Variants in PDGFRL observed in about 807,000 individuals in gnomAD.
The protein encoded by PDGFRL is platelet derived growth factor receptor like.
PDGFRL carries 46 observed loss-of-function variants against 37.2 expected under a neutral mutation model. That is an observed-to-expected ratio of 1.24 (90% confidence interval 0.98 to 1.58). The LOEUF (loss-of-function observed/expected upper bound fraction) is 1.58. Among genes scored for constraint, PDGFRL ranks in the 40% most tolerant of loss-of-function variants. The probability of loss-of-function intolerance (pLI) is 0.00; values close to 1 mark genes in which losing one functional copy is unlikely to be tolerated. For missense variants in PDGFRL, 692 were observed against 467.6 expected (o/e 1.48, Z -4.43); for synonymous variants, 251 against 184.3 (o/e 1.36, Z -2.93).
intron 2 of PDGFRL, among the ~76,000 whole-genome samples, chr8:17,595,212 C>A (rs1420650928): frequency 6.6e-6 from 1 of 152,192 alleles, no homozygotes. Context: ...CCGCCCTCCA[C>A]TCACCTGCTC....
At chr8:17,625,840 A>T (rs1804722851) in intron 3 of PDGFRL, among the ~76,000 whole-genome samples, 1 of 151,850 alleles carries the variant, frequency 6.6e-6, no homozygotes, top group Admixed American at 6.6e-5. Context: ...ACTAAAAAAT[A>T]AAAAATTAGA....
chr8:17,608,812 A>C (rs932316033), intron 2 of PDGFRL, among the ~76,000 whole-genome samples: 1 of 152,172 alleles, frequency 6.6e-6, no homozygotes, highest in Non-Finnish European at 1.5e-5. Context: ...GATAGGAAGG[A>C]GAGAAGGCAG....
At chr8:17,577,405 T>G in intron 1 of PDGFRL, 98 bp downstream of exon 1, 1 of 1,052,840 alleles carries the variant, frequency 9.5e-7, no homozygotes, top group Non-Finnish European at 1.4e-6. Flanking sequence ...GGTCTAACGT[T>G]CGGCCCTCGG....
At chr8:17,616,556 C>T (rs991119610) in intron 2 of PDGFRL, among the ~76,000 whole-genome samples, 4 of 152,172 alleles carry the variant, frequency 2.6e-5, no homozygotes, top group South Asian at 2.1e-4. Context: ...AGAATAACAT[C>T]GCTTTGTTCT....
chr8:17,584,409 C>G (rs1410448768), intron 1 of PDGFRL, among the ~76,000 whole-genome samples: 2 of 151,934 alleles, frequency 1.3e-5, no homozygotes, highest in Non-Finnish European at 2.9e-5. Context: ...GGGGTCAGGA[C>G]AGGAGCTAGG....
chr8:17,587,680 T>A (rs965006300), intron 1 of PDGFRL, among the ~76,000 whole-genome samples: 1 of 152,094 alleles, frequency 6.6e-6, no homozygotes, highest in African/African-American at 2.4e-5. Context: ...GGCATTGGAG[T>A]GCAGTGGTGT....
At chr8:17,610,705 G>A (rs1444321000) in intron 2 of PDGFRL, among the ~76,000 whole-genome samples, 1 of 152,182 alleles carries the variant, frequency 6.6e-6, no homozygotes, top group Non-Finnish European at 1.5e-5. Context: ...GAGCTCGGGA[G>A]CTAAAGAGCA....
At chr8:17,580,198 C>G (rs188678462) in intron 1 of PDGFRL, among the ~76,000 whole-genome samples, 13 of 152,140 alleles carry the variant, frequency 8.5e-5, no homozygotes, top group Admixed American at 7.9e-4. Flanking sequence ...TCTTGGAGGA[C>G]TACAGACATT....
At chr8:17,629,116 G>A (rs962120728) in intron 4 of PDGFRL, among the ~76,000 whole-genome samples, 5 of 135,466 alleles carry the variant, frequency 3.7e-5, no homozygotes, top group Admixed American at 8.1e-5. Context: ...GTCTCATAGA[G>A]AAGAGGTCTC....
chr8:17,636,545 G>A (rs1211433582), intron 5 of PDGFRL, among the ~76,000 whole-genome samples: 1 of 120,444 alleles, frequency 8.3e-6, no homozygotes, highest in Non-Finnish European at 1.7e-5. Context: ...CAGGTAATGG[G>A]ATGCCTCTAG....
intron 4 of PDGFRL, among the ~76,000 whole-genome samples, chr8:17,633,098 C>A (rs1373968062): frequency 6.6e-6 from 1 of 152,174 alleles, no homozygotes; most frequent in Non-Finnish European, 1.5e-5. Context: ...CCATCACCCT[C>A]CCTGCTCTAG....
rs185957950 is a variant in PDGFRL, at chr8:17,609,458, G to C, written c.354-11593G>C. 2.2e-3 allele frequency among the ~76,000 whole-genome samples: 340 copies of C among 151,502 alleles called. 6 individuals carry two copies. The South Asian group carries it at 0.038, about 17-fold the overall frequency. ...CCACTGCACTCCGACCTGGGCGACAGAGCGAGACTCTGTCTGGAAAAAAAA... is the reference window on the plus strand; with the variant it reads ...CCACTGCACTCCGACCTGGGCGACACAGCGAGACTCTGTCTGGAAAAAAAA... On this transcript the variant is annotated intron_variant, in intron 2 of 5. Coordinates refer to ENST00000251630, the MANE Select transcript of PDGFRL (RefSeq NM_001372073.1).
intron 2 of PDGFRL, among the ~76,000 whole-genome samples, chr8:17,612,981 A>G (rs538383355): frequency 9.7e-4 from 148 of 152,346 alleles, no homozygotes; most frequent in Non-Finnish European, 1.8e-3. Context: ...AAAATTATCA[A>G]AATATTCAAA....
intron 1 of PDGFRL, among the ~76,000 whole-genome samples, chr8:17,581,774 G>C (rs906661164): frequency 1.2e-4 from 19 of 152,134 alleles, no homozygotes; most frequent in Admixed American, 5.2e-4. Context: ...TTGGTTCCAT[G>C]CTTCTTGTAC....
intron 1 of PDGFRL, among the ~76,000 whole-genome samples, chr8:17,581,704 A>G (rs1249569525): frequency 6.6e-6 from 1 of 152,118 alleles, no homozygotes; most frequent in Non-Finnish European, 1.5e-5. Flanking sequence ...CTGCACTGCT[A>G]GTTATCGTTG....
chr8:17,576,716 C>G, upstream of PDGFRL: 2 of 984,658 alleles, frequency 2.0e-6, no homozygotes, highest in Non-Finnish European at 2.4e-6. Flanking sequence ...CCAACTCTGG[C>G]CAGACACAGA....
intron 1 of PDGFRL, among the ~76,000 whole-genome samples, chr8:17,581,118 A>T (rs1015794242): frequency 6.6e-6 from 1 of 152,106 alleles, no homozygotes; most frequent in African/African-American, 2.4e-5. Flanking sequence ...ATATCTTTTT[A>T]GGGGACACAA....
At chr8:17,593,529 T>C (rs1803987048) in intron 2 of PDGFRL, among the ~76,000 whole-genome samples, 1 of 150,680 alleles carries the variant, frequency 6.6e-6, no homozygotes, top group Non-Finnish European at 1.5e-5. Flanking sequence ...GCCCAGGAAG[T>C]CAACGCTGCA....
intron 5 of PDGFRL, among the ~76,000 whole-genome samples, chr8:17,635,160 G>A (rs936174157): frequency 6.6e-6 from 1 of 151,956 alleles, no homozygotes; most frequent in Non-Finnish European, 1.5e-5. Context: ...GATTTCAATC[G>A]GTTTTTAAGA....
Sources: allele counts gnomAD v4.1 joint callset (sites outside exome capture counted in the v4.1 genomes callset), GRCh38; gene constraint gnomAD v4.1.1; transcripts MANE v1.5; gene names NCBI Gene and HGNC (gene_info 2026-07-23, HGNC 2026-07-21).